BRD10: variants seen among roughly 807,000 people sequenced by gnomAD.
BRD10 encodes the protein uncharacterized bromodomain-containing protein 10.
the BRD10 span, among the ~76,000 whole-genome samples, chr9:5,885,499 T>A: frequency 6.6e-6 from 1 of 151,980 alleles, no homozygotes; most frequent in Non-Finnish European, 1.5e-5. Flanking sequence ...GCCTCCTGAG[T>A]AGCTGGGATT....
the BRD10 span, among the ~76,000 whole-genome samples, chr9:5,888,192 A>T: frequency 4.6e-5 from 7 of 152,128 alleles, no homozygotes; most frequent in East Asian, 7.7e-4. Flanking sequence ...CACAATGGCT[A>T]TGGAGAGCTG....
the BRD10 span, among the ~76,000 whole-genome samples, chr9:5,961,481 C>T: frequency 6.6e-6 from 1 of 151,726 alleles, no homozygotes; most frequent in African/African-American, 2.4e-5. Context: ...TTTTTTTTTA[C>T]TCTTAAATAA....
chr9:5,922,668 A>G, the BRD10 span: 3 of 1,613,808 alleles, frequency 1.9e-6, no homozygotes, highest in Admixed American at 5.0e-5. Context: ...TGAATCACAA[A>G]ATTCTTAGGC....
the BRD10 span, among the ~76,000 whole-genome samples, chr9:6,004,604 A>G: frequency 6.6e-6 from 1 of 152,238 alleles, no homozygotes; most frequent in Non-Finnish European, 1.5e-5. Context: ...TGTCTTACAA[A>G]TATATTCCAG....
At chr9:5,936,049 T>A in the BRD10 span, among the ~76,000 whole-genome samples, 2 of 152,216 alleles carry the variant, frequency 1.3e-5, no homozygotes, top group Admixed American at 1.3e-4. Flanking sequence ...TTTTTTTCAA[T>A]TGCTTTTTAA....
At chr9:5,905,379 A>G in the BRD10 span, among the ~76,000 whole-genome samples, 2 of 152,212 alleles carry the variant, frequency 1.3e-5, no homozygotes, top group Non-Finnish European at 2.9e-5. Flanking sequence ...TTTAGGTACA[A>G]CTGACCAGCA....
the BRD10 span, among the ~76,000 whole-genome samples, chr9:5,918,037 C>G: frequency 1.3e-5 from 2 of 152,180 alleles, no homozygotes; most frequent in South Asian, 4.1e-4. Flanking sequence ...TTGTTGAGCA[C>G]CATCAATGCG....
At chr9:5,952,992 TAA>T in the BRD10 span, among the ~76,000 whole-genome samples, 2 of 152,152 alleles carry the variant, frequency 1.3e-5, no homozygotes, top group African/African-American at 4.8e-5. Context: ...TCTACAGTAC[TAA>T]GAGAAAAACA....
the BRD10 span, among the ~76,000 whole-genome samples, chr9:5,884,633 C>T: frequency 5.9e-5 from 9 of 152,200 alleles, no homozygotes; most frequent in Admixed American, 4.6e-4. Context: ...ATCTTCCTCT[C>T]AAGCCTCTTC....
chr9:5,973,303 C>G, the BRD10 span, among the ~76,000 whole-genome samples: 18 of 152,114 alleles, frequency 1.2e-4, no homozygotes, highest in South Asian at 1.0e-3. Context: ...CCTGTCTCTA[C>G]TAGAAATACA....
the BRD10 span, among the ~76,000 whole-genome samples, chr9:5,991,190 A>G: frequency 3.9e-4 from 59 of 151,886 alleles, no homozygotes; most frequent in Admixed American, 2.6e-3. Context: ...GTATATATAT[A>G]TATATATATA....
the BRD10 span, among the ~76,000 whole-genome samples, chr9:5,900,645 A>G: frequency 6.6e-6 from 1 of 152,144 alleles, no homozygotes; most frequent in Non-Finnish European, 1.5e-5. Flanking sequence ...CTACTTTTCA[A>G]CTTCCATTTG....
chr9:5,990,634 T>C, the BRD10 span, among the ~76,000 whole-genome samples: 1 of 152,218 alleles, frequency 6.6e-6, no homozygotes, highest in East Asian at 1.9e-4. Flanking sequence ...TTAAAATTTA[T>C]GAGCTTTGAT....
At chr9:5,921,672 C>T in the BRD10 span, 1 of 1,613,894 alleles carries the variant, frequency 6.2e-7, no homozygotes, top group African/African-American at 1.3e-5. Flanking sequence ...ATATAATCTA[C>T]TTGTTGCTGT....
At chr9:5,882,490 C>T in the BRD10 span, among the ~76,000 whole-genome samples, 1 of 152,202 alleles carries the variant, frequency 6.6e-6, no homozygotes, top group Non-Finnish European at 1.5e-5. Flanking sequence ...GCTTCTCATA[C>T]TTGTATGCCT....
chr9:5,900,697 C>A, the BRD10 span, among the ~76,000 whole-genome samples: 1 of 152,276 alleles, frequency 6.6e-6, no homozygotes, highest in Middle Eastern at 3.4e-3. Flanking sequence ...CTTAAAATTT[C>A]TCCCTTGGTT....
chr9:5,917,204 A>G, the BRD10 span, among the ~76,000 whole-genome samples: 4 of 152,218 alleles, frequency 2.6e-5, no homozygotes, highest in African/African-American at 9.6e-5. Flanking sequence ...AAGAAGTGCT[A>G]TGTTGTTCTC....
At chr9:5,980,554 T>C in the BRD10 span, among the ~76,000 whole-genome samples, 2 of 152,158 alleles carry the variant, frequency 1.3e-5, no homozygotes, top group African/African-American at 4.8e-5. Flanking sequence ...GGGAGCTTCC[T>C]TCCTTTAAAT....
chr9:5,911,407 T>G, the BRD10 span, among the ~76,000 whole-genome samples: 96 of 144,738 alleles, frequency 6.6e-4, 1 homozygote, highest in South Asian at 1.1e-3. Flanking sequence ...CTATGTGTGT[T>G]TTTTTTTTTT....
Sources: allele counts gnomAD v4.1 joint callset (sites outside exome capture counted in the v4.1 genomes callset), GRCh38; gene constraint gnomAD v4.1.1; transcripts MANE v1.5; gene names NCBI Gene and HGNC (gene_info 2026-07-23, HGNC 2026-07-21).